The following SCN2A variants were observed in gnomAD, a reference collection of about 807,000 sequenced individuals.
The protein encoded by SCN2A is sodium voltage-gated channel alpha subunit 2, also known as sodium channel protein type 2 subunit alpha.
SCN2A carries 20 observed loss-of-function variants against 188.7 expected under a neutral mutation model. The ratio of observed to expected loss-of-function variants is 0.11; its 90% confidence interval spans 0.07 to 0.15. The LOEUF (loss-of-function observed/expected upper bound fraction) is 0.15. Ranked by LOEUF, SCN2A falls within the 10% of genes least tolerant of loss-of-function variation. SCN2A has a pLI of 1.00. For synonymous variants in SCN2A, 804 were observed against 833.1 expected, an observed-to-expected ratio of 0.97 and a Z score of 0.60; for missense variants, 1,278 against 2,445.0, an observed-to-expected ratio of 0.52 and a Z score of 10.07.
At chr2:165,285,368 T>C (rs544319483) in intron 1 of SCN2A, 7 of 169,526 alleles carry the variant, frequency 4.1e-5, no homozygotes, top group Middle Eastern at 3.0e-3. Flanking sequence ...GGAACAATTG[T>C]GCTCAGGGGC....
intron 18 of SCN2A, among the ~76,000 whole-genome samples, chr2:165,366,518 A>C (rs2105358108): frequency 6.6e-6 from 1 of 151,924 alleles, no homozygotes; most frequent in Admixed American, 6.5e-5. Context: ...GGATCACTTG[A>C]GGTCAGGAGT....
At position 165,295,936 on chromosome 2, in the gene SCN2A, A is replaced by G; in HGVS notation, c.113A>G (p.Lys38Arg). ...RIAEEKAKRP[K>R]QERKDEDDEN... ...GCAGAAGAGAAAGCTAAGAGACCCA[A>G]ACAGGAACGCAAGGATGAGGATGAT... Residue 38 changes from lysine (K) to arginine (R), a missense_variant, in exon 2 of 27, where the codon AAA (lysine) becomes AGA (arginine). Lys to Arg is a conservative substitution (Grantham distance 26). Around this residue, in one of 17 missense-constraint regions of SCN2A, gnomAD observed 141 missense variants for 185.4 expected, o/e 0.76. Transcript: ENST00000375437. The G allele has an allele frequency of 6.2e-7, 1 of 1,614,140 alleles. No individual in the cohort carries two copies. Among genetic ancestry groups the G allele is most frequent in the Non-Finnish European group, 8.5e-7 (1 of 1,180,022 alleles).
At chr2:165,338,065 TTCCACCC>T (rs952189411) in intron 14 of SCN2A, among the ~76,000 whole-genome samples, 2 of 152,134 alleles carry the variant, frequency 1.3e-5, no homozygotes, top group African/African-American at 4.8e-5. Flanking sequence ...CTCATCCTCC[TTCCACCC>T]TCCACCCTCA....
chr2:165,383,270 G>A (rs746089278), intron 25 of SCN2A, among the ~76,000 whole-genome samples: 3 of 152,030 alleles, frequency 2.0e-5, no homozygotes, highest in Non-Finnish European at 4.4e-5. Flanking sequence ...AGGGAAGTTA[G>A]GGAAGGCTTT....
intron 3 of SCN2A, among the ~76,000 whole-genome samples, chr2:165,303,270 G>GTTTTTTTTTTTTTTTTTTTTTTTTTTTTT (rs71028477): frequency 2.2e-5 from 2 of 91,312 alleles, no homozygotes; most frequent in African/African-American, 4.0e-5. Flanking sequence ...TGTTATTTGA[G>GTTTTTTTTTTTTTTTTTTTTTTTTTTTTT]TTTTTTTTTT....
intron 16 of SCN2A, among the ~76,000 whole-genome samples, chr2:165,353,891 T>G (rs1022962072): frequency 6.6e-6 from 1 of 151,264 alleles, no homozygotes; most frequent in Non-Finnish European, 1.5e-5. Context: ...AATAAAAGGG[T>G]TTTTTTTGTA....
At chr2:165,299,296 C>T (rs1008618709) in intron 3 of SCN2A, among the ~76,000 whole-genome samples, 7 of 152,090 alleles carry the variant, frequency 4.6e-5, no homozygotes, top group Admixed American at 4.6e-4. Context: ...GTATTTGCTT[C>T]CTGGGGGAAA....
rs762180465 is a variant in SCN2A, at chr2:165,331,509, G to T, written c.2329G>T (p.Ala777Ser). Residue 777 changes from alanine (A) to serine (S), a missense_variant, in exon 14 of 27, where the codon GCT (alanine) becomes TCT (serine). Transcript: ENST00000375437. ...CATTGTCTTAAATACACTCTTCATG[G>T]CTATGGAGCACTATCCCATGACGGA... is the stretch of plus-strand genomic sequence containing the variant. The part of the protein sequence containing the change: ...ICIVLNTLFM[A>S]MEHYPMTEQF... 1 of 1,613,776 alleles carries T rather than the reference G, an allele frequency of 6.2e-7. No homozygotes were observed. Among genetic ancestry groups the T allele is most frequent in the Admixed American group, 1.7e-5 (1 of 59,968 alleles).
intron 14 of SCN2A, among the ~76,000 whole-genome samples, chr2:165,338,773 C>T (rs943153967): frequency 6.6e-6 from 1 of 152,128 alleles, no homozygotes; most frequent in South Asian, 2.1e-4. Flanking sequence ...AATTAATTGG[C>T]CATATTACCT....
rs540575935 is a variant in SCN2A at position 165,262,691 on chromosome 2, A to T, written c.-52+23051A>T. On this transcript the variant is annotated intron_variant, in intron 1 of 26. Coordinates refer to ENST00000375437, the MANE Select transcript of SCN2A (RefSeq NM_001040142.2). ...CTGGTGCCATATTTTTGCAATTGTG[A>T]ATTGTGCTGCTATAAACATGCGTGT... Among the ~76,000 whole-genome samples the T allele has an allele frequency of 6.5e-4, 99 of 152,186 alleles. 1 individual carries two copies. The highest frequency in any genetic ancestry group is 1.2e-3 in the Non-Finnish European group (81 of 68,014).
chr2:165,368,638 C>A (rs553068797), intron 19 of SCN2A, among the ~76,000 whole-genome samples: 1 of 152,320 alleles, frequency 6.6e-6, no homozygotes, highest in East Asian at 1.9e-4. Context: ...GATGGCATTA[C>A]AAACTTATGT....
At chr2:165,368,714 A>G (rs1445403670) in intron 19 of SCN2A, among the ~76,000 whole-genome samples, 2 of 152,068 alleles carry the variant, frequency 1.3e-5, no homozygotes, top group African/African-American at 2.4e-5. Flanking sequence ...GATATGACCT[A>G]TTTTCTTAAT....
chr2:165,317,761 G>A (rs961428209), intron 11 of SCN2A, among the ~76,000 whole-genome samples: 4 of 152,088 alleles, frequency 2.6e-5, no homozygotes, highest in Non-Finnish European at 4.4e-5. Context: ...CACTGACTTA[G>A]AAGACATGGC....
chr2:165,328,366 C>T (rs1698478154), intron 13 of SCN2A: 2 of 378,720 alleles, frequency 5.3e-6, no homozygotes, highest in Non-Finnish European at 7.3e-6. Flanking sequence ...CCCTCTTCCC[C>T]CCAGCTGCCA....
intron 2 of SCN2A, 68 bp from the exon 3 acceptor site, chr2:165,296,949 C>A: frequency 1.2e-6 from 1 of 849,242 alleles, no homozygotes; most frequent in Non-Finnish European, 1.9e-6. Flanking sequence ...AATGGTTTTA[C>A]TTTTCTCTTA....
intron 2 of SCN2A, 128 bp from the exon 3 acceptor site, chr2:165,296,889 G>A (rs1374678670): frequency 1.7e-6 from 1 of 573,124 alleles, no homozygotes; most frequent in Non-Finnish European, 3.1e-6. Context: ...CATGTCATAT[G>A]ATGGTAATTA....
At chr2:165,291,352 G>A (rs12612452) in intron 1 of SCN2A, among the ~76,000 whole-genome samples, 1,964 of 56,216 alleles carry the variant, frequency 0.035, 178 homozygotes, top group African/African-American at 0.1. Flanking sequence ...TCTGTCGTTC[G>A]TTCCTTCCTT....
At chr2:165,287,514 GTT>G (rs34233499) in intron 1 of SCN2A, among the ~76,000 whole-genome samples, 25 of 146,068 alleles carry the variant, frequency 1.7e-4, no homozygotes, top group Non-Finnish European at 3.2e-4. Context: ...AGGTTCAGGT[GTT>G]TTTTTTTTTT....
Position 165,296,685 on chromosome 2 carries a change from C to CA in SCN2A, c.268-321dup, listed in dbSNP as rs67944134. 0.24 allele frequency: 40,502 copies of CA among 168,094 alleles called. 4,465 individuals carry two copies. The highest frequency in any genetic ancestry group is 0.36 in the East Asian group (2,093 of 5,856). 10.4% of individuals were successfully genotyped at this position (168,094 alleles called of 1,614,324 possible). A position where few individuals can be genotyped will look rare whatever the true frequency, so the allele number is the denominator to read the frequency against. ...AGTTCTCATGAGAAAATTTTCTAAC[C>CA]AAAAAAAAAAATCAAAGCCTCAATT... On this transcript the variant is annotated intron_variant, in intron 2 of 26. Transcript: ENST00000375437.
Sources: gnomAD v4.1 joint callset for allele counts (sites outside exome capture counted in the v4.1 genomes callset) on GRCh38, gnomAD v4.1.1 for gene constraint, gnomAD v4.1.1 regional missense constraint, MANE v1.5 for transcripts, NCBI Gene and HGNC (gene_info 2026-07-23, HGNC 2026-07-21) for gene names.